Variants in SOX30 observed in about 807,000 individuals in gnomAD.
SOX30 encodes the protein transcription factor SOX-30.
Under a neutral mutation model 58.6 loss-of-function variants are expected in SOX30, and 17 were observed. That is an observed-to-expected ratio of 0.29 (90% CI 0.20 to 0.44). SOX30 has a LOEUF of 0.44. Among genes scored for constraint, SOX30 ranks in the 20% least tolerant of loss-of-function variants. The probability of loss-of-function intolerance (pLI) is 1.00; values close to 1 mark genes in which losing one functional copy is unlikely to be tolerated. For missense variants in SOX30, 951 were observed against 965.8 expected, an observed-to-expected ratio of 0.98 and a Z score of 0.20; for synonymous variants, 421 against 400.2, an observed-to-expected ratio of 1.05 and a Z score of -0.62.
chr5:157,651,060 A>T, intron 1 of SOX30, 52 bp downstream of exon 1: 1 of 1,338,178 alleles, frequency 7.5e-7, no homozygotes, highest in Non-Finnish European at 1.0e-6. Flanking sequence ...CAAAACAGCT[A>T]TGGGCAACAC....
rs375780537 is a variant in SOX30 at position 157,651,849 on chromosome 5, T to A, written c.230A>T (p.Gln77Leu). The A allele has an allele frequency of 1.1e-4, 168 of 1,581,138 alleles. No homozygotes were observed. The African/African-American group carries it at 1.4e-3, about 13-fold the overall frequency. Reference sequence around the variant, plus strand: ...CTGAGGCTGTGGTAGCAGCAACACCTGCTCTGGCTTCACCTGCAGCAGCCG... The same window carrying A: ...CTGAGGCTGTGGTAGCAGCAACACCAGCTCTGGCTTCACCTGCAGCAGCCG... ...VRRLLQVKPE[Q>L]VLLLPQPQAQ... Residue 77 changes from glutamine (Q) to leucine (L), a missense_variant, in exon 1 of 5, where the codon CAG becomes CTG. By Grantham distance (113) the Gln-to-Leu change is moderately radical. This residue lies in a region of SOX30 where 363 missense variants were observed against 294.5 expected (regional missense o/e 1.23). Transcript: ENST00000265007.
At chr5:157,654,599 G>A (rs537887751), upstream of SOX30, among the ~76,000 whole-genome samples, 6 of 152,174 alleles carry the variant, frequency 3.9e-5, no homozygotes, top group African/African-American at 1.2e-4. Flanking sequence ...AAATGAGGCT[G>A]AAACATACTG....
intron 1 of SOX30, among the ~76,000 whole-genome samples, chr5:157,649,311 T>C (rs1015712080): frequency 1.3e-5 from 2 of 152,184 alleles, no homozygotes; most frequent in African/African-American, 4.8e-5. Context: ...CTTAGCTAGG[T>C]AGAGGTTCTC....
chr5:157,625,935 T>C lies in SOX30; in HGVS notation c.*405A>G, dbSNP rs1758637873. The C allele has an allele frequency of 1.3e-5, 2 of 154,458 alleles. No individual in the cohort carries two copies. The highest frequency in any genetic ancestry group is 4.1e-4 in the South Asian group (2 of 4,894). The allele number at this position is 154,458 out of a possible 1,614,324, so 9.6% of individuals were successfully genotyped here. ...TTACATCAAAAATTGACAACATCCATAAGTATTACATAAAAAGCAAACAAA... is the reference window on the plus strand; with the variant it reads ...TTACATCAAAAATTGACAACATCCACAAGTATTACATAAAAAGCAAACAAA... On this transcript the variant is annotated 3_prime_UTR_variant, in exon 5 of 5. Transcript: ENST00000265007.
rs147222943 is a variant in SOX30, at chr5:157,640,086, G to A, written c.1388-1364C>T. Among the ~76,000 whole-genome samples the A allele has an allele frequency of 1.7e-3, 263 of 152,290 alleles. 1 individual carries two copies. The highest frequency in any genetic ancestry group is 5.6e-3 in the African/African-American group (232 of 41,566). ...ACTCAGGCCCTTCCTGATTTATCAA[G>A]CATAGGTTAATTTCCCTTGTCCACG... On this transcript the variant is annotated intron_variant, in intron 3 of 4. Transcript: ENST00000265007.
chr5:157,645,200 T>C (rs1759159452), intron 3 of SOX30, among the ~76,000 whole-genome samples: 2 of 151,942 alleles, frequency 1.3e-5, no homozygotes, highest in Non-Finnish European at 2.9e-5. Context: ...ATTGCTAAAA[T>C]GATACATTAA....
rs1449375808 is a variant in SOX30, at chr5:157,627,719, G to A, written c.1881-998C>T. ...TTAAAAGTTATGGTTTTTTGGCCGG[G>A]CGCGGTGGCTCACGCCTGTAATCCC... On this transcript the variant is annotated intron_variant, in intron 4 of 4. Transcript: ENST00000265007. 2.6e-5 allele frequency among the ~76,000 whole-genome samples: 4 copies of A among 152,238 alleles called. No homozygotes were observed. The East Asian group carries it at 7.7e-4, about 29-fold the overall frequency.
In SOX30 at chr5:157,651,847, C is replaced by A; in HGVS notation, c.232G>T (p.Val78Leu). The change falls in exon 1 of 5, where the codon GTG becomes TTG. Residue 78 changes from valine (V) to leucine (L), a missense_variant. Coordinates refer to ENST00000265007, the MANE Select transcript of SOX30 (RefSeq NM_178424.2). ...GCCTGAGGCTGTGGTAGCAGCAACA[C>A]CTGCTCTGGCTTCACCTGCAGCAGC... Reference protein sequence around the residue: ...RRLLQVKPEQVLLLPQPQAQN... With the variant: ...RRLLQVKPEQLLLLPQPQAQN... The A allele has an allele frequency of 3.8e-6, 6 of 1,582,542 alleles. 1 individual carries two copies. Among genetic ancestry groups the A allele is most frequent in the Non-Finnish European group, 5.1e-6 (6 of 1,168,736 alleles).
intron 4 of SOX30, among the ~76,000 whole-genome samples, chr5:157,632,047 TAAAAAAAAAAAAAAA>T (rs570172679): frequency 5.3e-5 from 3 of 56,394 alleles, no homozygotes; most frequent in African/African-American, 2.4e-4. Context: ...ACCCCGTAAC[TAAAAAAAAAAAAAAA>T]AAAAAAAAAA....
At chr5:157,631,433 CT>C (rs1758805378) in intron 4 of SOX30, among the ~76,000 whole-genome samples, 1 of 152,112 alleles carries the variant, frequency 6.6e-6, no homozygotes, top group Non-Finnish European at 1.5e-5. Context: ...AGTTAAATTA[CT>C]TAAAAACAAG....
chr5:157,652,472 G>C, upstream of SOX30: 1 of 770,598 alleles, frequency 1.3e-6, no homozygotes, highest in Non-Finnish European at 1.6e-6. Flanking sequence ...CTTCCAGGCC[G>C]CTGACATCCA....
chr5:157,627,811 G>A (rs1478579929), intron 4 of SOX30, among the ~76,000 whole-genome samples: 1 of 151,978 alleles, frequency 6.6e-6, no homozygotes, highest in Admixed American at 6.6e-5. Flanking sequence ...TGGCTAACAC[G>A]GTGAAACCCC....
chr5:157,656,579 A>G (rs1403545782), upstream of SOX30, among the ~76,000 whole-genome samples: 2 of 152,254 alleles, frequency 1.3e-5, no homozygotes, highest in Non-Finnish European at 2.9e-5. Context: ...CACACCTAGT[A>G]CATAATTAAA....
chr5:157,653,320 T>C (rs1455701214), upstream of SOX30, among the ~76,000 whole-genome samples: 6 of 146,556 alleles, frequency 4.1e-5, no homozygotes, highest in Non-Finnish European at 7.4e-5. Flanking sequence ...TAATTAGAAT[T>C]TTCATGTGAT....
At chr5:157,645,466 C>T (rs1388876917) in intron 3 of SOX30, among the ~76,000 whole-genome samples, 1 of 151,988 alleles carries the variant, frequency 6.6e-6, no homozygotes, top group Non-Finnish European at 1.5e-5. Flanking sequence ...GATTCGACAC[C>T]AGCCTGGGCA....
At chr5:157,669,797 G>A (rs553498003) in intron 1 of SOX30, among the ~76,000 whole-genome samples, 3 of 152,264 alleles carry the variant, frequency 2.0e-5, no homozygotes, top group African/African-American at 7.2e-5. Context: ...GGGATTACAG[G>A]CATGAGCCAC....
At chr5:157,652,817 C>T (rs949422619), upstream of SOX30, among the ~76,000 whole-genome samples, 1 of 152,170 alleles carries the variant, frequency 6.6e-6, no homozygotes, top group Non-Finnish European at 1.5e-5. Context: ...GGGATACTGC[C>T]GTAACCCTGT....
chr5:157,646,951 G>C, intron 2 of SOX30, 135 bp from the exon 3 acceptor site: 2 of 664,390 alleles, frequency 3.0e-6, no homozygotes, highest in Non-Finnish European at 5.2e-6. Context: ...CCAGCTCCGG[G>C]ATATTATTTC....
chr5:157,632,906 T>C (rs367548426), intron 4 of SOX30, among the ~76,000 whole-genome samples: 9 of 152,038 alleles, frequency 5.9e-5, no homozygotes, highest in African/African-American at 2.2e-4. Flanking sequence ...CTGACTAACA[T>C]GGCAAAACTC....
Sources: gnomAD v4.1 joint callset for allele counts (sites outside exome capture counted in the v4.1 genomes callset) on GRCh38, gnomAD v4.1.1 for gene constraint, gnomAD v4.1.1 regional missense constraint, MANE v1.5 for transcripts, NCBI Gene and HGNC (gene_info 2026-07-23, HGNC 2026-07-21) for gene names.